LPIN1: variants seen among roughly 807,000 people sequenced by gnomAD.
LPIN1 encodes phosphatidate phosphatase LPIN1.
LPIN1 carries 71 observed loss-of-function variants against 107.5 expected under a neutral mutation model. The ratio of observed to expected loss-of-function variants is 0.66; its 90% confidence interval spans 0.55 to 0.80. The LOEUF (loss-of-function observed/expected upper bound fraction) is 0.80, where lower values mean the gene tolerates loss of function less well. LPIN1 is among the 30% of genes least tolerant of loss of function. LPIN1 has a pLI of 0.00. For missense variants in LPIN1, 1,043 were observed against 1,160.6 expected, an observed-to-expected ratio of 0.90 and a Z score of 1.47; for synonymous variants, 445 against 452.6, an observed-to-expected ratio of 0.98 and a Z score of 0.21.
intron 1 of LPIN1, among the ~76,000 whole-genome samples, chr2:11,759,823 A>G (rs1669391738): frequency 7.4e-6 from 1 of 134,856 alleles, no homozygotes; most frequent in African/African-American, 2.9e-5. Context: ...CTGACCCCCC[A>G]CCTCCCTCCC....
intron 14 of LPIN1, among the ~76,000 whole-genome samples, chr2:11,802,366 C>T (rs1450027405): frequency 6.6e-6 from 1 of 152,212 alleles, no homozygotes; most frequent in Non-Finnish European, 1.5e-5. Context: ...ATTCCTTGCT[C>T]ATGGGATGAC....
rs150624899 is a variant in LPIN1, at chr2:11,803,941, AT to A, written c.2014-480del. On this transcript the variant is annotated intron_variant, in intron 15 of 20. Transcript: ENST00000674199. This position sits in a 1 kb window ranked among gnomAD's most constrained non-coding sequence, Gnocchi z 4.2. ...GATAACCAAGACTTCTCTTTTTCCA[AT>A]TCGTGTCAGTATAATAATAATTTAA... Among the ~76,000 whole-genome samples, 1,197 of 152,264 alleles carry A rather than the reference AT, an allele frequency of 7.9e-3. 19 individuals are homozygous for A. The highest frequency in any genetic ancestry group is 0.028 in the African/African-American group (1,151 of 41,550).
chr2:11,689,818 T>A (rs886934120), intron 1 of LPIN1, among the ~76,000 whole-genome samples: 2 of 151,548 alleles, frequency 1.3e-5, no homozygotes, highest in Non-Finnish European at 2.9e-5. Flanking sequence ...GGAGGGAGAA[T>A]CTCTTGAACC....
At chr2:11,802,087 C>T (rs968360999) in intron 14 of LPIN1, among the ~76,000 whole-genome samples, 1 of 152,038 alleles carries the variant, frequency 6.6e-6, no homozygotes, top group Non-Finnish European at 1.5e-5. Flanking sequence ...TCCATTTAGT[C>T]TAAGGCATTT....
upstream of LPIN1, among the ~76,000 whole-genome samples, chr2:11,720,976 C>T (rs768043845): frequency 1.3e-5 from 2 of 152,024 alleles, no homozygotes. Flanking sequence ...CTCTGACTGC[C>T]TCCCTCTCTT....
At chr2:11,810,791 G>C (rs1240152660) in intron 17 of LPIN1, among the ~76,000 whole-genome samples, 1 of 152,190 alleles carries the variant, frequency 6.6e-6, no homozygotes, top group East Asian at 1.9e-4. Flanking sequence ...TCCAATCTCA[G>C]ATGTCAGTGT....
At position 11,752,432 on chromosome 2, in the gene LPIN1, C is replaced by CTTT. The variant is rs1354955148; in HGVS notation, c.-10+5761_-10+5762insTTT. Among the ~76,000 whole-genome samples, 146 of 82,636 alleles carry CTTT rather than the reference C, an allele frequency of 1.8e-3. 11 individuals carry two copies. Among genetic ancestry groups the CTTT allele is most frequent in the African/African-American group, 0.011 (140 of 12,684 alleles). The allele number at this position is 82,636 out of a possible 152,430, so 54.2% of individuals were successfully genotyped here. ...TTTTTCTTTTGAGCTGTTCCAAGGC[C>CTTT]ATTTTTTTTTTTTTTTTGAGACGGA... On this transcript the variant is annotated intron_variant, in intron 1 of 20. Transcript: ENST00000674199.
intron 17 of LPIN1, among the ~76,000 whole-genome samples, chr2:11,807,475 C>T (rs959862809): frequency 3.3e-5 from 5 of 151,238 alleles, no homozygotes; most frequent in Non-Finnish European, 7.4e-5. Context: ...CTATTTCTGT[C>T]CTTACTGTAA....
exon 1 of LPIN1, chr2:11,724,359 T>C (rs913043120): frequency 3.0e-6 from 3 of 985,732 alleles, no homozygotes; most frequent in Non-Finnish European, 3.6e-6. Flanking sequence ...GAAAGCAAGC[T>C]GGAGAGGGAG....
At chr2:11,677,652 G>A (rs769244723) in exon 1 of LPIN1, 7 of 1,535,560 alleles carry the variant, frequency 4.6e-6, no homozygotes, top group Admixed American at 2.0e-5. Context: ...CGGGCCATGG[G>A]GGAACAGGAC....
rs1391976046 is a variant in LPIN1 at position 11,786,717 on chromosome 2, G to A, written c.1550-357G>A. On this transcript the variant is annotated intron_variant, in intron 10 of 20. Coordinates refer to ENST00000674199, the MANE Select transcript of LPIN1 (RefSeq NM_001349206.2). The surrounding 1 kb of genome is among the most constrained non-coding windows in gnomAD (Gnocchi z 4.1). ...CTTGCCCAGGGTTACCCCCGTAATC[G>A]TGACTTCAGCCGAGGGAGCCTGGCT... 6.6e-6 allele frequency among the ~76,000 whole-genome samples: 1 copy of A among 152,216 alleles called. No individual in the cohort carries two copies. Among genetic ancestry groups the A allele is most frequent in the African/African-American group, 2.4e-5 (1 of 41,454 alleles).
intron 13 of LPIN1, chr2:11,792,247 T>C: frequency 2.2e-6 from 1 of 464,452 alleles, no homozygotes; most frequent in East Asian, 3.9e-5. Context: ...GAGACTGTGG[T>C]CCAGTCACTC....
intron 18 of LPIN1, chr2:11,819,202 T>A (rs1681114624): frequency 2.5e-6 from 1 of 396,622 alleles, no homozygotes; most frequent in African/African-American, 2.1e-5. Context: ...TTGGAGATGT[T>A]CTTTTTTGTT....
chr2:11,785,869 C>G (rs1289829619), intron 10 of LPIN1, among the ~76,000 whole-genome samples: 1 of 152,178 alleles, frequency 6.6e-6, no homozygotes, highest in Non-Finnish European at 1.5e-5. Flanking sequence ...GTTCTCACGC[C>G]CGTGCCAGCC....
At chr2:11,731,236 C>T (rs1242359727) in intron 1 of LPIN1, among the ~76,000 whole-genome samples, 4 of 152,008 alleles carry the variant, frequency 2.6e-5, no homozygotes, top group Admixed American at 6.5e-5. Flanking sequence ...TTGTCCCCCA[C>T]CCCCTGACTG....
intron 17 of LPIN1, among the ~76,000 whole-genome samples, chr2:11,807,392 A>G (rs1678889587): frequency 6.6e-6 from 1 of 152,204 alleles, no homozygotes; most frequent in African/African-American, 2.4e-5. Flanking sequence ...TTTTTAGTTG[A>G]AGGAAAGAAA....
At chr2:11,792,775 T>C (rs1365620252) in intron 13 of LPIN1, among the ~76,000 whole-genome samples, 1 of 152,224 alleles carries the variant, frequency 6.6e-6, no homozygotes, top group Non-Finnish European at 1.5e-5. Flanking sequence ...TCCATGGCTT[T>C]GGCGTTCATG....
chr2:11,679,570 G>A (rs1661598784), intron 1 of LPIN1, among the ~76,000 whole-genome samples: 1 of 152,186 alleles, frequency 6.6e-6, no homozygotes, highest in Non-Finnish European at 1.5e-5. Context: ...CCCGCCACGT[G>A]TCCCCTTGTA....
At chr2:11,781,171 C>G (rs1673516005) in intron 7 of LPIN1, among the ~76,000 whole-genome samples, 1 of 152,124 alleles carries the variant, frequency 6.6e-6, no homozygotes, top group Non-Finnish European at 1.5e-5. Context: ...TATAAAGAGT[C>G]AAGATGGGCA....
Sources: gnomAD v4.1 joint callset for allele counts (sites outside exome capture counted in the v4.1 genomes callset) on GRCh38, gnomAD v4.1.1 for gene constraint, Gnocchi (gnomAD v3.1) non-coding constraint, MANE v1.5 for transcripts, NCBI Gene and HGNC (gene_info 2026-07-23, HGNC 2026-07-21) for gene names.